MON2: variants seen among roughly 807,000 people sequenced by gnomAD.
MON2 encodes MON2 regulator of endosome-to-Golgi trafficking.
A neutral mutation model predicts 208.6 loss-of-function variants in MON2; 84 were observed. That is an observed-to-expected ratio of 0.40 (90% CI 0.34 to 0.48). The LOEUF is 0.48. Among genes scored for constraint, MON2 ranks in the 20% least tolerant of loss-of-function variants. The pLI is 0.59. For synonymous variants in MON2, 660 were observed against 694.0 expected, an observed-to-expected ratio of 0.95 and a Z score of 0.77; for missense variants, 1,611 against 2,015.4, an observed-to-expected ratio of 0.80 and a Z score of 3.84.
intron 22 of MON2, among the ~76,000 whole-genome samples, chr12:62,549,456 C>CA (rs5798647): frequency 0.022 from 2,163 of 98,474 alleles, 73 homozygotes; most frequent in Admixed American, 0.12. Context: ...CCTGTCTCCA[C>CA]AAAAAAAAAA....
Position 62,525,134 on chromosome 12 carries a change from G to T in MON2, c.1160G>T (p.Arg387Leu). The change falls in exon 10 of 35, where the codon CGT becomes CTT. Residue 387 changes from arginine to leucine, a missense_variant. By Grantham distance (102) the Arg-to-Leu change is moderately radical (BLOSUM62 -2). Transcript: ENST00000393630. ...AAACAGCATTCTACCAAGGTTTTTCGTGATATTGTAAATGCACTGGGATCT... is the reference window on the plus strand; with the variant it reads ...AAACAGCATTCTACCAAGGTTTTTCTTGATATTGTAAATGCACTGGGATCT... The part of the protein sequence containing the change: ...DMKQHSTKVF[R>L]DIVNALGSFI... 6.2e-7 allele frequency: 1 copy of T among 1,611,646 alleles called. No individual in the cohort carries two copies. Among genetic ancestry groups the T allele is most frequent in the Non-Finnish European group, 8.5e-7 (1 of 1,177,998 alleles).
In MON2 at chr12:62,571,426, G is replaced by T; in HGVS notation, c.4358G>T (p.Cys1453Phe). ...GTTCCTCTCAGTTTGAAGTATTCCT[G>T]CCCTTCTGAAAGCACATGGAAACTA... ...LRVPLSLKYSCPSESTWKLAV... is the reference protein window; with the variant it reads ...LRVPLSLKYSFPSESTWKLAV... The change falls in exon 30 of 35, where the codon TGC (cysteine) becomes TTC (phenylalanine). Residue 1453 changes from cysteine to phenylalanine, a missense_variant. Cys to Phe is a radical substitution (Grantham distance 205). Coordinates refer to ENST00000393630, the MANE Select transcript of MON2 (RefSeq NM_015026.3). The T allele has an allele frequency of 1.9e-6, 3 of 1,612,150 alleles. No homozygotes were observed. Among genetic ancestry groups the T allele is most frequent in the Non-Finnish European group, 2.5e-6 (3 of 1,178,710 alleles).
At position 62,568,133 on chromosome 12, in the gene MON2, G is replaced by T. The variant is rs181144955; in HGVS notation, c.4323+1683G>T. Among the ~76,000 whole-genome samples, 177 of 152,200 alleles carry T rather than the reference G, an allele frequency of 1.2e-3. 5 individuals carry two copies. The highest frequency in any genetic ancestry group is 4.1e-4 in the Non-Finnish European group (28 of 68,004). On this transcript the variant is annotated intron_variant, in intron 29 of 34. Transcript: ENST00000393630. The stretch of plus-strand genomic sequence containing the variant: ...GACACTTGAAAAAGTTAAGAGTTAG[G>T]TTAAAAAGGGGGAGGCAGGTATTAT...
At chr12:62,509,414 C>A (rs1273253402) in intron 8 of MON2, among the ~76,000 whole-genome samples, 12 of 152,102 alleles carry the variant, frequency 7.9e-5, no homozygotes, top group Admixed American at 7.9e-4. Context: ...CATGCCTGGC[C>A]CTATATTCTA....
chr12:62,555,088 G>T (rs572643846), intron 24 of MON2, among the ~76,000 whole-genome samples: 1 of 152,076 alleles, frequency 6.6e-6, no homozygotes, highest in Admixed American at 6.6e-5. Context: ...GAGCCACTGC[G>T]CCTGGCCAGC....
At chr12:62,476,006 C>T (rs1228218804) in intron 1 of MON2, among the ~76,000 whole-genome samples, 6 of 146,382 alleles carry the variant, frequency 4.1e-5, no homozygotes, top group Non-Finnish European at 6.2e-5. Context: ...AGCTAAACTC[C>T]GTCTCAAAAA....
At chr12:62,530,633 G>C (rs936444832) in intron 11 of MON2, among the ~76,000 whole-genome samples, 2 of 152,006 alleles carry the variant, frequency 1.3e-5, no homozygotes, top group Non-Finnish European at 2.9e-5. Context: ...CTTTTTTTAA[G>C]TTAATTGATG....
chr12:62,511,201 A>G (rs1480426313), intron 8 of MON2, among the ~76,000 whole-genome samples: 1 of 152,242 alleles, frequency 6.6e-6, no homozygotes, highest in Non-Finnish European at 1.5e-5. Context: ...TCTATGAATT[A>G]AATGCAGTTC....
intron 8 of MON2, among the ~76,000 whole-genome samples, chr12:62,522,730 T>C (rs1211848168): frequency 6.6e-6 from 1 of 152,150 alleles, no homozygotes; most frequent in African/African-American, 2.4e-5. Flanking sequence ...TCATAGTAGG[T>C]TTTCTCCATT....
chr12:62,580,260 G>T, intron 31 of MON2, 37 bp from the exon 32 acceptor site: 1 of 1,584,090 alleles, frequency 6.3e-7, no homozygotes, highest in South Asian at 1.2e-5. Flanking sequence ...CTCTTTCAAA[G>T]AAAACAATAC....
rs2075539291 is a variant in MON2 at position 62,596,943 on chromosome 12, T to G, written c.*4194T>G. 1 of 152,244 alleles carries G rather than the reference T, an allele frequency of 6.6e-6. No individual in the cohort carries two copies. The highest frequency in any genetic ancestry group is 1.5e-5 in the Non-Finnish European group (1 of 68,040). 9.4% of individuals were successfully genotyped at this position (152,244 alleles called of 1,614,324 possible). A position where few individuals can be genotyped will look rare whatever the true frequency, so the allele number is the denominator to read the frequency against. ...TGTGGCAAGTTCTATATGAATATTC[T>G]TGGTCATCTCGACTAATTCTGAGGC... On this transcript the variant is annotated 3_prime_UTR_variant, in exon 35 of 35. Transcript: ENST00000393630.
At chr12:62,547,819 G>C (rs2073560361) in intron 22 of MON2, among the ~76,000 whole-genome samples, 1 of 152,190 alleles carries the variant, frequency 6.6e-6, no homozygotes, top group Non-Finnish European at 1.5e-5. Context: ...ACAGTAGCAA[G>C]CTGTACAGGT....
At chr12:62,582,180 CA>C (rs1565710617) in intron 32 of MON2, among the ~76,000 whole-genome samples, 1 of 152,156 alleles carries the variant, frequency 6.6e-6, no homozygotes, top group Non-Finnish European at 1.5e-5. Flanking sequence ...ACAATATTCA[CA>C]ATTAGGTATA....
Position 62,544,897 on chromosome 12 carries a change from G to C in MON2, c.2467-1G>C. On this transcript the variant is annotated splice_acceptor_variant, in intron 20 of 34. Coordinates refer to ENST00000393630, the MANE Select transcript of MON2 (RefSeq NM_015026.3). LOFTEE classifies it high-confidence loss of function. ...TTAAACTTAATTTTATATACCTTCAGGTCTGCCAGCATCCAAACTCTCGAA... is the reference window on the plus strand; with the variant it reads ...TTAAACTTAATTTTATATACCTTCACGTCTGCCAGCATCCAAACTCTCGAA... The C allele has an allele frequency of 6.2e-7, 1 of 1,604,832 alleles. No individual in the cohort carries two copies. The highest frequency in any genetic ancestry group is 1.3e-5 in the African/African-American group (1 of 74,540).
intron 22 of MON2, among the ~76,000 whole-genome samples, chr12:62,548,207 T>C (rs2073579615): frequency 6.6e-6 from 1 of 152,200 alleles, no homozygotes; most frequent in Non-Finnish European, 1.5e-5. Flanking sequence ...GAAATGAGAA[T>C]GGCTACAAGT....
At position 62,592,918 on chromosome 12, in the gene MON2, C is replaced by A; in HGVS notation, c.*169C>A. 1 of 584,464 alleles carries A rather than the reference C, an allele frequency of 1.7e-6. No homozygotes were observed. Among genetic ancestry groups the A allele is most frequent in the South Asian group, 3.2e-5 (1 of 31,598 alleles). The allele number at this position is 584,464 out of a possible 1,614,324, so 36.2% of individuals were successfully genotyped here. A position where few individuals can be genotyped will look rare whatever the true frequency, so the allele number is the denominator to read the frequency against. Reference sequence around the variant, plus strand: ...CAGTAATTCATATTACAGGCTTGCACATCAACAAAGGCTCCTGAATGAACA... The same window carrying A: ...CAGTAATTCATATTACAGGCTTGCAAATCAACAAAGGCTCCTGAATGAACA... On this transcript the variant is annotated 3_prime_UTR_variant, in exon 35 of 35. Coordinates refer to ENST00000393630, the MANE Select transcript of MON2 (RefSeq NM_015026.3).
chr12:62,471,404 G>A (rs1326008066), intron 1 of MON2, among the ~76,000 whole-genome samples: 1 of 152,010 alleles, frequency 6.6e-6, no homozygotes, highest in African/African-American at 2.4e-5. Context: ...GCCTAGTCTC[G>A]AACTCCTGAC....
intron 13 of MON2, 96 bp from the exon 14 acceptor site, chr12:62,535,429 T>G: frequency 1.1e-6 from 1 of 933,404 alleles, no homozygotes; most frequent in Non-Finnish European, 1.5e-6. Context: ...TTGTATAGAT[T>G]TTCTTAAAAT....
At chr12:62,588,850 A>G in intron 34 of MON2, 1 of 1,455,572 alleles carries the variant, frequency 6.9e-7, no homozygotes, top group East Asian at 2.5e-5. Flanking sequence ...TTATTTCATT[A>G]TCCAGCTTGT....
Sources: allele counts gnomAD v4.1 joint callset (sites outside exome capture counted in the v4.1 genomes callset), GRCh38; gene constraint gnomAD v4.1.1; transcripts MANE v1.5; gene names NCBI Gene and HGNC (gene_info 2026-07-23, HGNC 2026-07-21).